Variants in LIFR observed in about 807,000 individuals in gnomAD.
The protein encoded by LIFR is leukemia inhibitory factor receptor.
Under a neutral mutation model 122.2 loss-of-function variants are expected in LIFR, and 84 were observed. That is an observed-to-expected ratio of 0.69 (90% confidence interval 0.58 to 0.82). The LOEUF (loss-of-function observed/expected upper bound fraction) is 0.82. Ranked by LOEUF, LIFR falls within the 40% of genes least tolerant of loss-of-function variation. LIFR has a pLI of 0.00. For missense variants in LIFR, 1,294 were observed against 1,311.6 expected (o/e 0.99, Z 0.21); for synonymous variants, 422 against 434.7 (o/e 0.97, Z 0.36).
rs1466638438 is a variant in LIFR at position 38,480,028 on chromosome 5, T to C, written c.*1567A>G. The C allele has an allele frequency of 4.5e-6, 1 of 223,880 alleles. No individual in the cohort carries two copies. Among genetic ancestry groups the C allele is most frequent in the Non-Finnish European group, 8.9e-6 (1 of 112,506 alleles). 13.9% of individuals were successfully genotyped at this position (223,880 alleles called of 1,614,324 possible). ...GTCACTCTGGCTTTTTTCCACAACA[T>C]GGTTTTTAAAAAGATACAATATGAG... On this transcript the variant is annotated 3_prime_UTR_variant, in exon 20 of 20. Transcript: ENST00000453190.
In LIFR at chr5:38,493,654, C is replaced by T; in HGVS notation, c.2017G>A (p.Asp673Asn). 1 of 1,614,166 alleles carries T rather than the reference C, an allele frequency of 6.2e-7. No individual in the cohort carries two copies. Among genetic ancestry groups the T allele is most frequent in the Non-Finnish European group, 8.5e-7 (1 of 1,180,028 alleles). Residue 673 changes from aspartate (D) to asparagine (N), a missense_variant, in exon 14 of 20, where the codon GAC (aspartate) becomes AAC (asparagine). By Grantham distance (23) the Asp-to-Asn change is conservative (BLOSUM62 1). Transcript: ENST00000453190. ...NSSRSEPCLM[D>N]WRKVPSNSTE... Reference sequence around the variant, plus strand: ...CTGTTTGAGGGAACTTTTCTCCAGTCCATAAGGCATGGTTCCGACCGAGAC... The same window carrying T: ...CTGTTTGAGGGAACTTTTCTCCAGTTCATAAGGCATGGTTCCGACCGAGAC...
intron 1 of LIFR, among the ~76,000 whole-genome samples, chr5:38,533,218 G>A (rs182419505): frequency 6.6e-6 from 1 of 152,314 alleles, no homozygotes; most frequent in African/African-American, 2.4e-5. Context: ...CTGCCCAAGG[G>A]TGACCAGTTT....
At chr5:38,577,248 G>A (rs1749417769) in intron 1 of LIFR, among the ~76,000 whole-genome samples, 2 of 152,180 alleles carry the variant, frequency 1.3e-5, no homozygotes, top group African/African-American at 4.8e-5. Context: ...CTGATTGATG[G>A]AAAGAAGCAG....
chr5:38,496,678 T>G (rs1744897423), intron 12 of LIFR, 83 bp from the exon 13 acceptor site: 2 of 947,482 alleles, frequency 2.1e-6, no homozygotes, highest in African/African-American at 1.6e-5. Context: ...AACTGGACAC[T>G]ATATTAACAA....
intron 1 of LIFR, 151 bp from the exon 2 acceptor site, chr5:38,530,817 C>T: frequency 1.4e-6 from 1 of 715,352 alleles, no homozygotes; most frequent in Non-Finnish European, 2.4e-6. Flanking sequence ...GCTTCCCTGG[C>T]TTGTGGAGAC....
At chr5:38,503,119 A>G (rs1745277401) in intron 10 of LIFR, among the ~76,000 whole-genome samples, 1 of 152,180 alleles carries the variant, frequency 6.6e-6, no homozygotes, top group Admixed American at 6.5e-5. Context: ...TATAATTTTG[A>G]TAATCAAAGG....
intron 1 of LIFR, among the ~76,000 whole-genome samples, chr5:38,562,949 T>C (rs571128731): frequency 9.8e-5 from 15 of 152,316 alleles, no homozygotes; most frequent in African/African-American, 3.1e-4. Flanking sequence ...TAAATAACAG[T>C]AATATCCCCA....
rs6887068 is a variant in LIFR at position 38,588,426 on chromosome 5, C to T, written c.-20+6835G>A. On this transcript the variant is annotated intron_variant, in intron 1 of 19. Coordinates refer to the LIFR transcript ENST00000263409. ...ATGATGAGACTGTCTAATCATTCCC[C>T]GTGGCTTTAAATACTTTTATTGACC... 9.5e-3 allele frequency among the ~76,000 whole-genome samples: 1,447 copies of T among 152,234 alleles called. 20 individuals carry two copies. The highest frequency in any genetic ancestry group is 0.032 in the African/African-American group (1,325 of 41,536).
At chr5:38,533,301 A>C (rs1352424133) in intron 1 of LIFR, among the ~76,000 whole-genome samples, 2 of 152,266 alleles carry the variant, frequency 1.3e-5, no homozygotes, top group Non-Finnish European at 2.9e-5. Flanking sequence ...GTAATCATGC[A>C]GAATAAATCT....
chr5:38,508,831 G>A (rs1055285179), intron 7 of LIFR, among the ~76,000 whole-genome samples: 5 of 151,956 alleles, frequency 3.3e-5, no homozygotes, highest in Middle Eastern at 3.2e-3. Context: ...TGATCCGCCC[G>A]CCTCAGCCTC....
chr5:38,581,143 G>A lies in LIFR; in HGVS notation c.-20+14118C>T, dbSNP rs1243068473. On this transcript the variant is annotated intron_variant, in intron 1 of 19. Transcript: ENST00000263409. ...TGGTATGTGCACAATAAATAGTGGTGGTTAGGATTATAAAAACGCTTTAGC... is the reference window on the plus strand; with the variant it reads ...TGGTATGTGCACAATAAATAGTGGTAGTTAGGATTATAAAAACGCTTTAGC... Among the ~76,000 whole-genome samples the A allele has an allele frequency of 2.0e-5, 3 of 152,028 alleles. No homozygotes were observed. In the East Asian group the frequency reaches 5.8e-4, roughly 29 times the overall value.
intron 10 of LIFR, among the ~76,000 whole-genome samples, chr5:38,503,480 A>G (rs1357896129): frequency 6.6e-6 from 1 of 152,206 alleles, no homozygotes; most frequent in Non-Finnish European, 1.5e-5. Flanking sequence ...TAAATTTCCA[A>G]ATGAATAGTT....
rs369656959 is a variant in LIFR at position 38,530,498 on chromosome 5, G to A, written c.142+8C>T. Reference sequence around the variant, plus strand: ...TCTGTTCATTCTCTGGAAGGCTGATGCACTTACCCTTTTTCTGGCTATTTA... The same window carrying A: ...TCTGTTCATTCTCTGGAAGGCTGATACACTTACCCTTTTTCTGGCTATTTA... On this transcript the variant is annotated splice_region_variant and intron_variant, in intron 2 of 19. Coordinates refer to ENST00000453190, the MANE Select transcript of LIFR (RefSeq NM_001127671.2). 9 of 1,608,094 alleles carry A rather than the reference G, an allele frequency of 5.6e-6. No homozygotes were observed. In the African/African-American group the frequency reaches 6.7e-5, roughly 12 times the overall value.
intron 1 of LIFR, among the ~76,000 whole-genome samples, chr5:38,587,688 T>C (rs1749795372): frequency 6.6e-6 from 1 of 152,138 alleles, no homozygotes. Context: ...AATGATCAGA[T>C]TTAAACCCAG....
intron 11 of LIFR, 79 bp from the exon 12 acceptor site, chr5:38,499,662 G>T: frequency 3.1e-6 from 3 of 972,106 alleles, no homozygotes; most frequent in Non-Finnish European, 5.0e-6. Flanking sequence ...TTTCTAGGAT[G>T]TTTGGAATTC....
chr5:38,530,524 C>T lies in LIFR; in HGVS notation c.124G>A (p.Val42Ile), dbSNP rs1746947627. Residue 42 changes from valine (V) to isoleucine (I), a missense_variant, in exon 2 of 20, where the codon GTA becomes ATA. Physicochemically the swap from Val to Ile is conservative, Grantham distance 29 (BLOSUM62 3). Transcript: ENST00000453190. ...TFILLYLMNQ[V>I]NSQKKGAPHD... ...CACTTACCCTTTTTCTGGCTATTTA[C>T]TTGATTCATTAGATATAGAAGAATA... 1 of 1,612,734 alleles carries T rather than the reference C, an allele frequency of 6.2e-7. No individual in the cohort carries two copies. Among genetic ancestry groups the T allele is most frequent in the South Asian group, 1.1e-5 (1 of 91,046 alleles).
At position 38,489,213 on chromosome 5, in the gene LIFR, C is replaced by A; in HGVS notation, c.2200G>T (p.Asp734Tyr). The change falls in exon 16 of 20, where the codon GAT becomes TAT. Residue 734 changes from aspartate (D) to tyrosine (Y), a missense_variant. Asp to Tyr is a radical substitution (Grantham distance 160). Transcript: ENST00000453190. ...PIVAPNFTVE[D>Y]TSADSILVKW... ...ACTAATATCGAATCTGCAGAAGTAT[C>A]CTCAACAGTAAAATTTGGTGCAACA... The A allele has an allele frequency of 3.1e-6, 5 of 1,613,166 alleles. No homozygotes were observed. The highest frequency in any genetic ancestry group is 4.2e-6 in the Non-Finnish European group (5 of 1,179,708).
chr5:38,547,135 G>T (rs1229884291), intron 1 of LIFR, among the ~76,000 whole-genome samples: 3 of 152,086 alleles, frequency 2.0e-5, no homozygotes, highest in Non-Finnish European at 2.9e-5. Flanking sequence ...CAATGGTATG[G>T]GGTAGAACAA....
intron 1 of LIFR, among the ~76,000 whole-genome samples, chr5:38,591,235 T>A (rs781083742): frequency 6.6e-5 from 10 of 152,268 alleles, no homozygotes; most frequent in Non-Finnish European, 1.3e-4. Context: ...AAGTTATGAA[T>A]CAATTTTTTC....
Sources: gnomAD v4.1 joint callset for allele counts (sites outside exome capture counted in the v4.1 genomes callset) on GRCh38, gnomAD v4.1.1 for gene constraint, MANE v1.5 for transcripts, NCBI Gene and HGNC (gene_info 2026-07-23, HGNC 2026-07-21) for gene names.